The following RALYL variants were observed in gnomAD, a reference collection of about 807,000 sequenced individuals.
RALYL encodes the protein RALY RNA binding protein like.
RALYL carries 29 observed loss-of-function variants against 35.1 expected under a neutral mutation model. The observed-to-expected ratio is 0.83, with a 90% CI of 0.61 to 1.13. RALYL has a LOEUF of 1.13. RALYL is among the 50% of genes most tolerant of loss of function. RALYL has a pLI of 0.00. For synonymous variants in RALYL, 120 were observed against 127.6 expected (o/e 0.94, Z 0.40); for missense variants, 359 against 360.4 (o/e 1.00, Z 0.03).
rs781295871 is a variant in RALYL, at chr8:84,862,275, T to A, written c.414-21T>A. 5 of 1,470,510 alleles carry A rather than the reference T, an allele frequency of 3.4e-6. No homozygotes were observed. In the African/African-American group the frequency reaches 5.8e-5, roughly 17 times the overall value. 91.1% of individuals were successfully genotyped at this position (1,470,510 alleles called of 1,614,324 possible). ...TCTCGGGCATCAAACCAACTCTCAG[T>A]CCCATTTGTGTTTTGTAAAGGTTAT... On this transcript the variant is annotated intron_variant, in intron 5 of 8. Coordinates refer to ENST00000521268, the MANE Select transcript of RALYL (RefSeq NM_173848.7).
intron 2 of RALYL, among the ~76,000 whole-genome samples, chr8:84,727,458 A>AT (rs542167004): frequency 2.6e-5 from 4 of 151,384 alleles, no homozygotes; most frequent in East Asian, 1.9e-4. Flanking sequence ...TTTTCTTTTC[A>AT]TTTTTTTTAT....
chr8:84,324,252 CAACT>C (rs1385915497), intron 1 of RALYL, among the ~76,000 whole-genome samples: 2 of 152,004 alleles, frequency 1.3e-5, no homozygotes, highest in Non-Finnish European at 2.9e-5. Context: ...TTGTATCAAC[CAACT>C]GTTTTGATTC....
intron 5 of RALYL, among the ~76,000 whole-genome samples, chr8:84,852,185 C>A (rs1282189960): frequency 6.6e-6 from 1 of 152,122 alleles, no homozygotes; most frequent in Non-Finnish European, 1.5e-5. Context: ...CTATGCGATT[C>A]CTACTTGAGA....
chr8:84,625,639 G>A (rs1490965475), intron 2 of RALYL, among the ~76,000 whole-genome samples: 2 of 152,148 alleles, frequency 1.3e-5, no homozygotes, highest in Non-Finnish European at 2.9e-5. Context: ...CATTAGTTCA[G>A]GGAACTGAGG....
chr8:84,567,285 A>G (rs921433086), intron 2 of RALYL, among the ~76,000 whole-genome samples: 1 of 151,752 alleles, frequency 6.6e-6, no homozygotes, highest in Admixed American at 6.6e-5. Flanking sequence ...TTGCATAATG[A>G]TGGGGATTTG....
intron 1 of RALYL, among the ~76,000 whole-genome samples, chr8:84,523,008 T>C (rs1336604941): frequency 6.6e-6 from 1 of 152,022 alleles, no homozygotes. Context: ...AAGGCACATC[T>C]TACATGGTGG....
intron 2 of RALYL, among the ~76,000 whole-genome samples, chr8:84,611,851 T>A (rs1818380275): frequency 6.6e-6 from 1 of 152,102 alleles, no homozygotes; most frequent in Non-Finnish European, 1.5e-5. Context: ...TTTATAGCCA[T>A]GTCTATAGTG....
intron 2 of RALYL, among the ~76,000 whole-genome samples, chr8:84,710,286 A>T (rs538866812): frequency 1.3e-5 from 2 of 151,458 alleles, no homozygotes. Context: ...CAGTTCATAT[A>T]TTTTTGTTTG....
At chr8:84,480,993 G>A (rs1463957453) in intron 1 of RALYL, among the ~76,000 whole-genome samples, 2 of 151,872 alleles carry the variant, frequency 1.3e-5, no homozygotes, top group Non-Finnish European at 2.9e-5. Flanking sequence ...GTATTATCTG[G>A]GCTTACAGAT....
intron 2 of RALYL, among the ~76,000 whole-genome samples, chr8:84,773,647 G>T (rs1392856379): frequency 6.6e-6 from 1 of 152,070 alleles, no homozygotes; most frequent in Non-Finnish European, 1.5e-5. Context: ...GTTTATGAAG[G>T]CAAAGTATGT....
At chr8:84,877,513 T>C (rs76419845) in intron 7 of RALYL, among the ~76,000 whole-genome samples, 7,667 of 151,874 alleles carry the variant, frequency 0.05, 610 homozygotes, top group African/African-American at 0.17. Context: ...TATATATATA[T>C]ACACATATAC....
At chr8:84,474,326 A>G (rs1428913219) in intron 1 of RALYL, among the ~76,000 whole-genome samples, 6 of 152,192 alleles carry the variant, frequency 3.9e-5, no homozygotes, top group Non-Finnish European at 8.8e-5. Context: ...ATTGTCATTT[A>G]CCAAAAATAT....
chr8:84,425,583 C>G (rs957367526), intron 1 of RALYL, among the ~76,000 whole-genome samples: 1 of 152,118 alleles, frequency 6.6e-6, no homozygotes, highest in African/African-American at 2.4e-5. Flanking sequence ...CTGGTCTTAA[C>G]TTTTATGAAC....
intron 2 of RALYL, among the ~76,000 whole-genome samples, chr8:84,731,587 T>A (rs1846187065): frequency 6.6e-6 from 1 of 152,152 alleles, no homozygotes; most frequent in Admixed American, 6.6e-5. Flanking sequence ...GCTACCTTGC[T>A]ATTGCAAACA....
At chr8:84,332,839 G>A (rs1272392375) in intron 1 of RALYL, among the ~76,000 whole-genome samples, 1 of 152,020 alleles carries the variant, frequency 6.6e-6, no homozygotes, top group African/African-American at 2.4e-5. Flanking sequence ...AGCTGGAGGG[G>A]AGGTGACCTG....
intron 2 of RALYL, among the ~76,000 whole-genome samples, chr8:84,750,074 A>G (rs1165821195): frequency 6.6e-6 from 1 of 152,160 alleles, no homozygotes; most frequent in Non-Finnish European, 1.5e-5. Flanking sequence ...CACTCTCAGC[A>G]CACTCTGTGA....
At chr8:84,311,090 A>AAAAAAAAAAAAAAAATAT (rs1554614840) in intron 1 of RALYL, among the ~76,000 whole-genome samples, 4 of 99,720 alleles carry the variant, frequency 4.0e-5, no homozygotes, top group African/African-American at 1.1e-4. Flanking sequence ...AAAAAAAAAA[A>AAAAAAAAAAAAAAAATAT]ATGTATATTA....
chr8:84,573,605 A>G (rs946620449), intron 2 of RALYL, among the ~76,000 whole-genome samples: 1 of 151,814 alleles, frequency 6.6e-6, no homozygotes, highest in African/African-American at 2.4e-5. Flanking sequence ...TAGAATATGG[A>G]ATTTTTTTAA....
At position 84,554,604 on chromosome 8, in the gene RALYL, C is replaced by T. The variant is rs147511351; in HGVS notation, c.256+25027C>T. Among the ~76,000 whole-genome samples the T allele has an allele frequency of 2.9e-4, 44 of 152,214 alleles. No individual in the cohort carries two copies. In the East Asian group the frequency reaches 7.9e-3, roughly 27 times the overall value. ...ATACTTACAGCCCCTCAGAGCACTCCGTTTCTCCAGCACCTGGTAATTTCT... is the reference window on the plus strand; with the variant it reads ...ATACTTACAGCCCCTCAGAGCACTCTGTTTCTCCAGCACCTGGTAATTTCT... On this transcript the variant is annotated intron_variant, in intron 2 of 8. Transcript: ENST00000521268.
Sources: gnomAD v4.1 joint callset for allele counts (sites outside exome capture counted in the v4.1 genomes callset) on GRCh38, gnomAD v4.1.1 for gene constraint, MANE v1.5 for transcripts, NCBI Gene and HGNC (gene_info 2026-07-23, HGNC 2026-07-21) for gene names.